The following ROBO2 variants were observed in gnomAD, a reference collection of about 807,000 sequenced individuals.
The protein encoded by ROBO2 is roundabout homolog 2.
Under a neutral mutation model 160.8 loss-of-function variants are expected in ROBO2, and 53 were observed. That is an observed-to-expected ratio of 0.33 (90% confidence interval 0.26 to 0.41). The LOEUF is 0.41. ROBO2 is among the 10% of genes least tolerant of loss of function. The pLI is 1.00. For missense variants in ROBO2, 1,577 were observed against 1,722.4 expected, an observed-to-expected ratio of 0.92 and a Z score of 1.49; for synonymous variants, 664 against 611.7, an observed-to-expected ratio of 1.09 and a Z score of -1.26.
intron 2 of ROBO2, among the ~76,000 whole-genome samples, chr3:76,567,648 TATATAC>T (rs1175123336): frequency 0.013 from 1,156 of 86,038 alleles, 59 homozygotes; most frequent in African/African-American, 0.032. Flanking sequence ...TATATATATA[TATATAC>T]ACATACACAT....
At chr3:76,659,928 G>T (rs994338206) in intron 2 of ROBO2, among the ~76,000 whole-genome samples, 1 of 152,224 alleles carries the variant, frequency 6.6e-6, no homozygotes, top group Admixed American at 6.5e-5. Context: ...CAGTAATTAT[G>T]CTTTAAAGAC....
intron 2 of ROBO2, among the ~76,000 whole-genome samples, chr3:76,665,988 AAT>A (rs1442176147): frequency 1.6e-5 from 2 of 122,344 alleles, no homozygotes; most frequent in African/African-American, 5.7e-5. Flanking sequence ...ATATACATGT[AAT>A]ATATATAATA....
At chr3:76,851,506 C>A (rs1577039135) in intron 2 of ROBO2, among the ~76,000 whole-genome samples, 2 of 151,548 alleles carry the variant, frequency 1.3e-5, no homozygotes, top group Non-Finnish European at 2.9e-5. Context: ...GAGGCCGAGG[C>A]GGGTGGATCA....
rs1053573014 is a variant in ROBO2 at position 77,481,637 on chromosome 3, T to C, written c.667+418T>C. Among the ~76,000 whole-genome samples the C allele has an allele frequency of 5.3e-5, 8 of 152,288 alleles. No homozygotes were observed. The East Asian group carries it at 1.5e-3, about 29-fold the overall frequency. ...AACTTGTTTTCCAGTTCTTAGAAAT[T>C]CAAACTGAAGTATTTATAATTTCAA... On this transcript the variant is annotated intron_variant, in intron 4 of 25. Coordinates refer to ENST00000461745, the Ensembl canonical transcript of ROBO2.
chr3:75,916,348 T>G (rs1946806263), intron 1 of ROBO2, among the ~76,000 whole-genome samples: 1 of 152,166 alleles, frequency 6.6e-6, no homozygotes, highest in Admixed American at 6.6e-5. Context: ...CTCACTGATT[T>G]ATTTATTTAT....
In ROBO2 at chr3:77,146,633, A is replaced by G. The variant is rs966035527; in HGVS notation, c.388+48293A>G. Among the ~76,000 whole-genome samples, 3 of 152,120 alleles carry G rather than the reference A, an allele frequency of 2.0e-5. No individual in the cohort carries two copies. The East Asian group carries it at 5.8e-4, about 29-fold the overall frequency. On this transcript the variant is annotated intron_variant, in intron 2 of 25. Coordinates refer to ENST00000461745, the Ensembl canonical transcript of ROBO2. Reference sequence around the variant, plus strand: ...TTGCAAAAAATTGTCTAATTTATCAAAAAAACAACATGAAATTCAGGTATG... The same window carrying G: ...TTGCAAAAAATTGTCTAATTTATCAGAAAAACAACATGAAATTCAGGTATG...
chr3:76,017,204 T>C (rs1218582738), intron 2 of ROBO2, among the ~76,000 whole-genome samples: 1 of 152,164 alleles, frequency 6.6e-6, no homozygotes, highest in African/African-American at 2.4e-5. Context: ...CAAATGTCAC[T>C]TTATTAACAA....
chr3:76,803,404 C>T (rs1560590321), intron 2 of ROBO2, among the ~76,000 whole-genome samples: 1 of 95,260 alleles, frequency 1.0e-5, no homozygotes, highest in African/African-American at 4.6e-5. Flanking sequence ...GAGGAGGATA[C>T]AGAAAAGGAG....
intron 2 of ROBO2, among the ~76,000 whole-genome samples, chr3:77,463,848 G>A (rs1172020407): frequency 6.6e-6 from 1 of 152,114 alleles, no homozygotes; most frequent in Non-Finnish European, 1.5e-5. Context: ...CTGTCAAAGT[G>A]CTGGGATTAT....
intron 2 of ROBO2, among the ~76,000 whole-genome samples, chr3:77,445,794 G>GTTTTTTTTTT (rs199914360): frequency 4.9e-4 from 60 of 122,950 alleles, no homozygotes; most frequent in Middle Eastern, 4.4e-3. Flanking sequence ...GTTTTTTTTT[G>GTTTTTTTTTT]TTTTTTTTTT....
chr3:77,522,863 G>T (rs752243519), exon 6 of ROBO2: 1 of 1,609,526 alleles, frequency 6.2e-7, no homozygotes, highest in Non-Finnish European at 8.5e-7. Flanking sequence ...TGAGAATCGG[G>T]TTGGAAAAAT....
intron 6 of ROBO2, among the ~76,000 whole-genome samples, chr3:77,545,993 T>C (rs1482084657): frequency 6.6e-6 from 1 of 152,122 alleles, no homozygotes; most frequent in East Asian, 1.9e-4. Context: ...GATTCTTTTC[T>C]TATCTTTATT....
chr3:77,517,269 G>C (rs1424380397), intron 5 of ROBO2, among the ~76,000 whole-genome samples: 8 of 151,432 alleles, frequency 5.3e-5, no homozygotes, highest in Non-Finnish European at 1.2e-4. Flanking sequence ...AATTCAAAAA[G>C]GGTCAGCCAT....
intron 2 of ROBO2, among the ~76,000 whole-genome samples, chr3:76,021,416 AT>A (rs1487423638): frequency 6.6e-6 from 1 of 151,826 alleles, no homozygotes; most frequent in African/African-American, 2.4e-5. Flanking sequence ...TTTCATTTTG[AT>A]GATAGTCAGC....
intron 2 of ROBO2, among the ~76,000 whole-genome samples, chr3:77,430,667 G>A (rs934549836): frequency 6.6e-6 from 1 of 151,870 alleles, no homozygotes; most frequent in African/African-American, 2.4e-5. Context: ...CTACAGGAGG[G>A]CACCATCTCA....
chr3:76,328,013 A>AG (rs1212170656), intron 2 of ROBO2, among the ~76,000 whole-genome samples: 3 of 152,088 alleles, frequency 2.0e-5, no homozygotes, highest in South Asian at 2.1e-4. Context: ...TGTGTTTCAA[A>AG]GGGGAAAAAA....
intron 2 of ROBO2, among the ~76,000 whole-genome samples, chr3:76,248,391 A>G (rs1242479203): frequency 4.0e-5 from 6 of 151,548 alleles, no homozygotes; most frequent in Non-Finnish European, 1.5e-5. Context: ...TATCGCAAGA[A>G]CAAAAAACCA....
intron 2 of ROBO2, among the ~76,000 whole-genome samples, chr3:76,070,951 T>C (rs1042938380): frequency 4.6e-5 from 7 of 152,182 alleles, no homozygotes; most frequent in African/African-American, 1.7e-4. Context: ...AATATCTCAT[T>C]AGCCATCTAG....
At chr3:77,142,030 A>G (rs2076745637) in intron 2 of ROBO2, among the ~76,000 whole-genome samples, 1 of 152,154 alleles carries the variant, frequency 6.6e-6, no homozygotes, top group African/African-American at 2.4e-5. Context: ...TTATACGTTG[A>G]ACAGTCAGTG....
Sources: gnomAD v4.1 joint callset for allele counts (sites outside exome capture counted in the v4.1 genomes callset) on GRCh38, gnomAD v4.1.1 for gene constraint, MANE v1.5 for transcripts, NCBI Gene and HGNC (gene_info 2026-07-23, HGNC 2026-07-21) for gene names.